The following EYS variants were observed in gnomAD, a reference collection of about 807,000 sequenced individuals.
The protein encoded by EYS is EGF-like photoreceptor maintenance factor.
Under a neutral mutation model 282.1 loss-of-function variants are expected in EYS, and 250 were observed. The ratio of observed to expected loss-of-function variants is 0.89; its 90% CI spans 0.80 to 0.98. The LOEUF (loss-of-function observed/expected upper bound fraction) is 0.98, where lower values mean the gene tolerates loss of function less well. Among genes scored for constraint, EYS ranks in the 50% least tolerant of loss-of-function variants. The pLI, the probability that EYS is intolerant of heterozygous loss-of-function variation, is 0.00. For synonymous variants in EYS, 1,355 were observed against 1,282.9 expected, an observed-to-expected ratio of 1.06 and a Z score of -1.20; for missense variants, 4,016 against 3,709.0, an observed-to-expected ratio of 1.08 and a Z score of -2.15.
intron 12 of EYS, among the ~76,000 whole-genome samples, chr6:65,202,971 G>T (rs1765940432): frequency 6.6e-6 from 1 of 152,146 alleles, no homozygotes; most frequent in Admixed American, 6.5e-5. Context: ...GCCTCAGAGA[G>T]CCTGGCTGCC....
chr6:64,293,435 T>G (rs1291651056), intron 30 of EYS, among the ~76,000 whole-genome samples: 1 of 152,118 alleles, frequency 6.6e-6, no homozygotes, highest in Non-Finnish European at 1.5e-5. Flanking sequence ...TTTCTATCTT[T>G]GGTTTCTGTA....
intron 15 of EYS, among the ~76,000 whole-genome samples, chr6:64,934,630 A>T (rs1768845233): frequency 6.6e-6 from 1 of 151,946 alleles, no homozygotes; most frequent in African/African-American, 2.4e-5. Context: ...TAAAAGAAAA[A>T]AAAAGACTAT....
intron 26 of EYS, among the ~76,000 whole-genome samples, chr6:64,582,581 G>C (rs1766105535): frequency 8.4e-6 from 1 of 118,640 alleles, no homozygotes; most frequent in Non-Finnish European, 1.7e-5. Context: ...GCCAATCCTT[G>C]GTCTTTTTTT....
intron 29 of EYS, among the ~76,000 whole-genome samples, chr6:64,385,224 C>A (rs1772870510): frequency 6.6e-6 from 1 of 152,132 alleles, no homozygotes; most frequent in Non-Finnish European, 1.5e-5. Context: ...CATACGAGTT[C>A]TCTTTAAGAA....
At chr6:64,315,204 A>C (rs76586963) in intron 29 of EYS, among the ~76,000 whole-genome samples, 1 of 152,162 alleles carries the variant, frequency 6.6e-6, no homozygotes. Context: ...GGACACATAC[A>C]CACTCCTAAG....
intron 31 of EYS, among the ~76,000 whole-genome samples, chr6:64,179,524 T>G (rs147209784): frequency 2.2e-3 from 340 of 152,226 alleles, no homozygotes; most frequent in African/African-American, 7.6e-3. Context: ...GCTTCAATAT[T>G]ACATGTAATC....
chr6:65,448,553 C>G (rs1037948497), intron 5 of EYS, among the ~76,000 whole-genome samples: 2 of 151,982 alleles, frequency 1.3e-5, no homozygotes, highest in African/African-American at 2.4e-5. Context: ...TGTCCTTATT[C>G]TATTAACACT....
At chr6:65,559,416 A>C (rs554309611) in intron 2 of EYS, among the ~76,000 whole-genome samples, 1 of 151,426 alleles carries the variant, frequency 6.6e-6, no homozygotes, top group South Asian at 2.1e-4. Flanking sequence ...AAGAAAAAAA[A>C]TTTTTTTTGG....
At chr6:63,780,280 G>A (rs1770183658) in intron 39 of EYS, among the ~76,000 whole-genome samples, 1 of 152,158 alleles carries the variant, frequency 6.6e-6, no homozygotes, top group Non-Finnish European at 1.5e-5. Flanking sequence ...GGATCGCTGG[G>A]TCAAATGGTA....
At chr6:64,096,371 A>G (rs1045699995) in intron 31 of EYS, among the ~76,000 whole-genome samples, 2 of 152,160 alleles carry the variant, frequency 1.3e-5, no homozygotes, top group African/African-American at 2.4e-5. Context: ...CATTCTCCCT[A>G]TCACTTTCAG....
intron 19 of EYS, among the ~76,000 whole-genome samples, chr6:64,846,278 T>C (rs887758444): frequency 1.3e-5 from 2 of 152,184 alleles, no homozygotes; most frequent in Non-Finnish European, 2.9e-5. Context: ...TTAAAATGTG[T>C]GTTCTGCAGG....
intron 36 of EYS, among the ~76,000 whole-genome samples, chr6:63,833,995 C>T (rs964051611): frequency 2.6e-4 from 39 of 152,214 alleles, no homozygotes; most frequent in Admixed American, 5.2e-4. Context: ...TCTGGGAAAA[C>T]TGGCTAGCCA....
chr6:65,519,722 T>A lies in EYS; in HGVS notation c.-332-23729A>T, dbSNP rs1267657820. ...TATATATATATATTTTTTTTTTTTT[T>A]TTTTTTTTTTTGAGATAAGATCTTG... On this transcript the variant is annotated intron_variant, in intron 2 of 42. Transcript: ENST00000503581. Among the ~76,000 whole-genome samples the A allele has an allele frequency of 2.0e-3, 146 of 71,796 alleles. 1 individual carries two copies. Among genetic ancestry groups the A allele is most frequent in the African/African-American group, 7.4e-3 (130 of 17,558 alleles). The allele number at this position is 71,796 out of a possible 152,430, so 47.1% of individuals were successfully genotyped here. A position where few individuals can be genotyped will look rare whatever the true frequency, so the allele number is the denominator to read the frequency against.
At chr6:64,440,471 G>T (rs932746182) in intron 26 of EYS, among the ~76,000 whole-genome samples, 2 of 152,022 alleles carry the variant, frequency 1.3e-5, no homozygotes, top group African/African-American at 4.8e-5. Context: ...GTATATGTGT[G>T]TGTGTTTGTG....
At chr6:64,675,166 T>G (rs1387056018) in intron 22 of EYS, among the ~76,000 whole-genome samples, 1 of 152,154 alleles carries the variant, frequency 6.6e-6, no homozygotes, top group Non-Finnish European at 1.5e-5. Flanking sequence ...ATCTTAAATT[T>G]TAGTCAGATT....
At chr6:64,534,952 T>C (rs1161406767) in intron 26 of EYS, among the ~76,000 whole-genome samples, 1 of 152,054 alleles carries the variant, frequency 6.6e-6, no homozygotes, top group Non-Finnish European at 1.5e-5. Context: ...CACATACACA[T>C]AACACCTATA....
At chr6:65,502,251 A>T (rs527430830) in intron 2 of EYS, among the ~76,000 whole-genome samples, 2 of 151,858 alleles carry the variant, frequency 1.3e-5, no homozygotes, top group South Asian at 4.1e-4. Context: ...AACAAAACAT[A>T]CTCTTACCAT....
In EYS at chr6:64,782,809, A is replaced by G. The variant is rs747076855; in HGVS notation, c.3443+30569T>C. Among the ~76,000 whole-genome samples, 41 of 152,178 alleles carry G rather than the reference A, an allele frequency of 2.7e-4. 3 individuals carry two copies. The highest frequency in any genetic ancestry group is 4.4e-5 in the Non-Finnish European group (3 of 68,036). On this transcript the variant is annotated intron_variant, in intron 22 of 42. Transcript: ENST00000503581. ...TCTCAATTACATATATTTTTTGTTC[A>G]CCATTAAGTAATTTATCACTGGTTC...
intron 1 of EYS, among the ~76,000 whole-genome samples, chr6:65,705,814 A>T (rs145352367): frequency 2.4e-4 from 37 of 152,296 alleles, no homozygotes; most frequent in Middle Eastern, 3.4e-3. Context: ...TTTTAGGCCA[A>T]TTAAAACTAT....
Sources: allele counts gnomAD v4.1 joint callset (sites outside exome capture counted in the v4.1 genomes callset), GRCh38; gene constraint gnomAD v4.1.1; transcripts MANE v1.5; gene names NCBI Gene and HGNC (gene_info 2026-07-23, HGNC 2026-07-21).